The following FLNA variants were observed in gnomAD, a reference collection of about 807,000 sequenced individuals.
FLNA encodes the protein filamin A.
Under a neutral mutation model 157.6 loss-of-function variants are expected in FLNA, and 7 were observed. That is an observed-to-expected ratio of 0.04 (90% CI 0.03 to 0.08). The LOEUF is 0.08. Ranked by LOEUF, FLNA falls within the 10% of genes least tolerant of loss-of-function variation. The pLI, the probability that FLNA is intolerant of heterozygous loss-of-function variation, is 1.00. For missense variants in FLNA, 1,750 were observed against 2,398.4 expected, an observed-to-expected ratio of 0.73 and a Z score of 5.65; for synonymous variants, 1,103 against 1,060.8, an observed-to-expected ratio of 1.04 and a Z score of -0.77.
chrX:154,358,109 C>A (rs2067676378), intron 28 of FLNA, 90 bp downstream of exon 28: 2 of 1,030,155 alleles, frequency 1.9e-6, no homozygotes, highest in Non-Finnish European at 2.7e-6. Flanking sequence ...CTTGGTGCAG[C>A]TCCGCAGGGA....
chrX:154,354,795 C>G (rs1557176560), intron 31 of FLNA, 30 bp downstream of exon 31: 1 of 1,211,364 alleles, frequency 8.3e-7, no homozygotes. Flanking sequence ...GCCAGACACC[C>G]CTGCTGACCT....
chrX:154,368,176 G>A lies in FLNA; in HGVS notation c.374-86C>T. The A allele has an allele frequency of 1.0e-5, 12 of 1,157,027 alleles. 1 individual carries two copies. The South Asian group carries it at 1.4e-4, about 14-fold the overall frequency. The stretch of plus-strand genomic sequence containing the variant: ...CTTTGGGGTCAGGGTCTGGCAGCAC[G>A]GGGTAGCAGGGGCCAAGGAGGAGGT... On this transcript the variant is annotated intron_variant, in intron 2 of 47. Transcript: ENST00000369850.
chrX:154,352,046 C>T (rs373080309), intron 41 of FLNA, 25 bp from the exon 42 acceptor site: 1 of 1,211,457 alleles, frequency 8.3e-7, no homozygotes, highest in Non-Finnish European at 1.1e-6. Context: ...TTTGTCCTCA[C>T]TGAAGGCTGC....
intron 24 of FLNA, 30 bp from the exon 25 acceptor site, chrX:154,359,436 G>C (rs1557177488): frequency 2.5e-6 from 3 of 1,211,662 alleles, no homozygotes; most frequent in Non-Finnish European, 3.3e-6. Flanking sequence ...GGTCATTCCT[G>C]GGGTTCCCAG....
At chrX:154,356,010 A>G (rs1338510630) in intron 30 of FLNA, among the ~76,000 whole-genome samples, 2 of 112,476 alleles carry the variant, frequency 1.8e-5, no homozygotes, top group Non-Finnish European at 3.8e-5. Flanking sequence ...CTCCTGCTGC[A>G]CTAGGCTCCA....
chrX:154,348,945 C>G lies in FLNA; in HGVS notation c.7848G>C (p.Val2616=), dbSNP rs782691688. ...CCCCCTTGTCCTTGAGCAGGTAGGA[C>G]ACGCTGTAGAGCCGGCTGCCCACGT... ...VKHVGSRLYS[V]SYLLKDKGEY... The change falls in exon 48 of 48, where the codon GTG becomes GTC. Residue 2616 remains valine, a synonymous_variant. Transcript: ENST00000369850. 11 of 1,209,716 alleles carry G rather than the reference C, an allele frequency of 9.1e-6. No individual in the cohort carries two copies. The highest frequency in any genetic ancestry group is 4.4e-5 in the Admixed American group (2 of 45,925).
chrX:154,350,711 A>C (rs1476778100), intron 44 of FLNA, 198 bp downstream of exon 44: 16 of 470,452 alleles, frequency 3.4e-5, no homozygotes, highest in Admixed American at 1.5e-4. Flanking sequence ...GCAGGGTAGA[A>C]GGCCTTCCTA....
Position 154,353,177 on chromosome X carries a change from C to T in FLNA, c.6050G>A (p.Gly2017Glu), listed in dbSNP as rs1557176160. 8.3e-7 allele frequency: 1 copy of T among 1,211,754 alleles called. No individual in the cohort carries two copies. Among genetic ancestry groups the T allele is most frequent in the South Asian group, 1.8e-5 (1 of 57,019 alleles). Residue 2017 changes from glycine (G) to glutamate (E), a missense_variant, in exon 38 of 48, where the codon GGG becomes GAG. Transcript: ENST00000369850. Reference sequence around the variant, plus strand: ...TTTCTTCACATGCACCAGGTGCTCCCCCGTCTCCTTGGGCACGAATGAAAT... The same window carrying T: ...TTTCTTCACATGCACCAGGTGCTCCTCCGTCTCCTTGGGCACGAATGAAAT... ...VGISFVPKET[G>E]EHLVHVKKNG...
At position 154,348,738 on chromosome X, in the gene FLNA, A is replaced by G; in HGVS notation, c.*111T>C. 4.3e-6 allele frequency: 3 copies of G among 697,678 alleles called. No homozygotes were observed. The highest frequency in any genetic ancestry group is 3.5e-5 in the East Asian group (1 of 28,544). The allele number at this position is 697,678 out of a possible 1,213,427, so 57.5% of individuals were successfully genotyped here. ...CACGGCACAGGGCAGGGGCGGCTGC[A>G]GTGACAGGCGGGCGGCCAGGGCGGC... On this transcript the variant is annotated 3_prime_UTR_variant, in exon 48 of 48. Transcript: ENST00000369850.
chrX:154,365,897 A>C, intron 9 of FLNA, 127 bp downstream of exon 9: 1 of 551,183 alleles, frequency 1.8e-6, no homozygotes, highest in East Asian at 3.6e-5. Flanking sequence ...GCATGTGCCC[A>C]GACAGTAGAA....
intron 9 of FLNA, 114 bp from the exon 10 acceptor site, chrX:154,365,600 G>C (rs1342151235): frequency 3.2e-6 from 3 of 923,339 alleles, no homozygotes; most frequent in East Asian, 3.3e-5. Flanking sequence ...TGGCTGGAGG[G>C]GGACATGCAA....
chrX:154,352,071 C>A (rs1182406707), intron 41 of FLNA, 50 bp from the exon 42 acceptor site: 11 of 1,208,330 alleles, frequency 9.1e-6, no homozygotes, highest in African/African-American at 3.5e-5. Flanking sequence ...CCAGCCTCGG[C>A]CCCCTCCAGG....
intron 21 of FLNA, among the ~76,000 whole-genome samples, chrX:154,361,046 CAAAAAAAAAAAAAAAAAA>C (rs59672916): frequency 1.7e-3 from 34 of 19,988 alleles, no homozygotes; most frequent in South Asian, 0.014. Flanking sequence ...GACTCTTTCT[CAAAAAAAAAAAAAAAAAA>C]AAAAAAAAAA....
In FLNA at chrX:154,354,678, GGGGCTGCACCGA is replaced by G. The variant is rs1374504437; in HGVS notation, c.5239_5250del (p.Ser1747_Pro1750del). Reference sequence around the variant, plus strand: ...GGGGCCAGCTGCTGAGACCGTAGAGGGGGCTGCACCGAGGGCTGGTCCCCAGCCAGAGCCTGC... The same window carrying G: ...GGGGCCAGCTGCTGAGACCGTAGAGGGGGCTGGTCCCCAGCCAGAGCCTGC... On this transcript the variant is annotated inframe_deletion, in exon 32 of 48. Transcript: ENST00000369850. 1.7e-6 allele frequency: 2 copies of G among 1,206,783 alleles called. No homozygotes were observed. The highest frequency in any genetic ancestry group is 2.2e-6 in the Non-Finnish European group (2 of 893,467).
intron 21 of FLNA, 130 bp downstream of exon 21, chrX:154,361,178 T>G (rs1276919847): frequency 1.4e-5 from 9 of 636,679 alleles, no homozygotes; most frequent in Non-Finnish European, 2.1e-5. Flanking sequence ...AGGGTCAAGG[T>G]TGACAGTCTG....
In FLNA at chrX:154,351,911, C is replaced by T; in HGVS notation, c.6880G>A (p.Gly2294Ser). ...GGCTCCTGGACCACATAAGCCACACCACAGGAGCCGTCCTTGCGGTCCTCA... is the reference window on the plus strand; with the variant it reads ...GGCTCCTGGACCACATAAGCCACACTACAGGAGCCGTCCTTGCGGTCCTCA... ...SFEDRKDGSC[G>S]VAYVVQEPGD... The change falls in exon 42 of 48, where the codon GGT becomes AGT. Residue 2294 changes from glycine to serine, a missense_variant. Transcript: ENST00000369850. The T allele has an allele frequency of 8.3e-7, 1 of 1,211,791 alleles. No homozygotes were observed. Among genetic ancestry groups the T allele is most frequent in the Non-Finnish European group, 1.1e-6 (1 of 895,539 alleles).
chrX:154,374,354 G>A (rs1358786610), intron 1 of FLNA, among the ~76,000 whole-genome samples, 152 bp downstream of exon 1: 2 of 112,670 alleles, frequency 1.8e-5, no homozygotes, highest in Admixed American at 9.2e-5. Flanking sequence ...AGCCTCCATC[G>A]GCTCACGCAT....
At chrX:154,353,517 G>A (rs781884539) in intron 36 of FLNA, 37 bp downstream of exon 36, 3 of 1,209,392 alleles carry the variant, frequency 2.5e-6, no homozygotes, top group Admixed American at 2.2e-5. Flanking sequence ...TGCCCACCCT[G>A]CCACCCGTTT....
chrX:154,359,790 G>A lies in FLNA; in HGVS notation c.3921C>T (p.Thr1307=), dbSNP rs2067690590. The change falls in exon 23 of 48, where the codon ACC becomes ACT. Residue 1307 remains threonine (T), a synonymous_variant. Coordinates refer to ENST00000369850, the MANE Select transcript of FLNA (RefSeq NM_001110556.2). ...VANPSGNLTE[T]YVQDRGDGMY... ...TGCCATCGCCACGGTCCTGAACGTAGGTCTCCGTCAGGTTGCCTGAGGGGT... is the reference window on the plus strand; with the variant it reads ...TGCCATCGCCACGGTCCTGAACGTAAGTCTCCGTCAGGTTGCCTGAGGGGT... The A allele has an allele frequency of 1.7e-6, 2 of 1,209,367 alleles. No homozygotes were observed. Among genetic ancestry groups the A allele is most frequent in the Admixed American group, 2.2e-5 (1 of 45,927 alleles).
Sources: gnomAD v4.1 joint callset for allele counts (sites outside exome capture counted in the v4.1 genomes callset) on GRCh38, gnomAD v4.1.1 for gene constraint, MANE v1.5 for transcripts, NCBI Gene and HGNC (gene_info 2026-07-23, HGNC 2026-07-21) for gene names.